ZNF792: variants seen among roughly 807,000 people sequenced by gnomAD.
ZNF792 encodes the protein zinc finger protein 792.
A neutral mutation model predicts 13.1 loss-of-function variants in ZNF792; 14 were observed. That is an observed-to-expected ratio of 1.07 (90% CI 0.71 to 1.67). The LOEUF (loss-of-function observed/expected upper bound fraction) is 1.67, where lower values mean the gene tolerates loss of function less well. Among genes scored for constraint, ZNF792 ranks in the 40% most tolerant of loss-of-function variants. The pLI, the probability that ZNF792 is intolerant of heterozygous loss-of-function variation, is 0.00. For missense variants in ZNF792, 740 were observed against 807.9 expected (o/e 0.92, Z 1.02); for synonymous variants, 257 against 292.0 (o/e 0.88, Z 1.22).
At chr19:34,961,187 T>C (rs887698721) in intron 1 of ZNF792, among the ~76,000 whole-genome samples, 193 bp from the exon 2 acceptor site, 2 of 152,050 alleles carry the variant, frequency 1.3e-5, no homozygotes, top group Non-Finnish European at 2.9e-5. Flanking sequence ...CCCTCTAAGC[T>C]CTGGGCCTGA....
In ZNF792 at chr19:34,960,346, A is replaced by G. The variant is rs778005539; in HGVS notation, c.172T>C (p.Phe58Leu). 1.2e-6 allele frequency: 2 copies of G among 1,613,248 alleles called. No homozygotes were observed. The highest frequency in any genetic ancestry group is 3.3e-5 in the Admixed American group (2 of 59,980). ...AACTGGGAAACGATGTGGGACCTGA[A>G]AGATATAAGTCCTAAGGGAAAGACA... is the stretch of plus-strand genomic sequence containing the variant. ...ALIASLGLISFRSHIVSQLEM... is the reference protein window; with the variant it reads ...ALIASLGLISLRSHIVSQLEM... The change falls in exon 3 of 4, where the codon TTC becomes CTC. Residue 58 changes from phenylalanine to leucine, a missense_variant. By Grantham distance (22) the Phe-to-Leu change is conservative (BLOSUM62 0). Transcript: ENST00000404801.
Position 34,963,967 on chromosome 19 carries a change from C to A in ZNF792, c.-305G>T. The A allele has an allele frequency of 2.7e-6, 1 of 367,834 alleles. No individual in the cohort carries two copies. The highest frequency in any genetic ancestry group is 4.9e-6 in the Non-Finnish European group (1 of 204,912). The allele number at this position is 367,834 out of a possible 1,614,324, so 22.8% of individuals were successfully genotyped here. ...TGTCCCCCTCGCGGTCCGGGAAAGC[C>A]GGCGGGGCAGCTTCACGGGCGTAGC... On this transcript the variant is annotated 5_prime_UTR_variant, in exon 1 of 4. Coordinates refer to ENST00000404801, the MANE Select transcript of ZNF792 (RefSeq NM_175872.5).
chr19:34,961,417 C>T (rs905627390), intron 1 of ZNF792, among the ~76,000 whole-genome samples: 1 of 152,164 alleles, frequency 6.6e-6, no homozygotes, highest in Admixed American at 6.5e-5. Flanking sequence ...CTACCTTCTC[C>T]CCATCCTGGC....
rs748972958 is a variant in ZNF792, at chr19:34,958,864, C to A, written c.991G>T (p.Val331Phe). 1 of 1,613,586 alleles carries A rather than the reference C, an allele frequency of 6.2e-7. No homozygotes were observed. Among genetic ancestry groups the A allele is most frequent in the Non-Finnish European group, 8.5e-7 (1 of 1,179,606 alleles). Residue 331 changes from valine to phenylalanine, a missense_variant, in exon 4 of 4, where the codon GTT becomes TTT. Coordinates refer to ENST00000404801, the MANE Select transcript of ZNF792 (RefSeq NM_175872.5). ...ACGTGAGGGCTTTCACCGGTGTGAA[C>A]CCTGCGATGTTTAACAAGGCTGGAG... ...QHSSLVKHRR[V>F]HTGESPHVCG... is the part of the protein sequence containing the mutation.
Position 34,958,043 on chromosome 19 carries a change from T to C in ZNF792, c.1812A>G (p.Ile604Met), listed in dbSNP as rs2013458213. ...LLPCSQHTPE[I>M]SSENRPYQGA... ...CCTGATAAGGTCTGTTCTCAGAGCT[T>C]ATCTCTGGTGTGTGCTGTGAACAGG... The change falls in exon 4 of 4, where the codon ATA (isoleucine) becomes ATG (methionine). Residue 604 changes from isoleucine (I) to methionine (M), a missense_variant. Ile to Met is a conservative substitution (Grantham distance 10). Transcript: ENST00000404801. 6.2e-7 allele frequency: 1 copy of C among 1,612,848 alleles called. No individual in the cohort carries two copies. The highest frequency in any genetic ancestry group is 1.7e-5 in the Admixed American group (1 of 59,816).
Position 34,959,381 on chromosome 19 carries a change from T to C in ZNF792, c.474A>G (p.Lys158=). 6.2e-7 allele frequency: 1 copy of C among 1,614,080 alleles called. No individual in the cohort carries two copies. The highest frequency in any genetic ancestry group is 8.5e-7 in the Non-Finnish European group (1 of 1,179,966). Residue 158 remains lysine, a synonymous_variant, in exon 4 of 4, where the codon AAA becomes AAG. Coordinates refer to ENST00000404801, the MANE Select transcript of ZNF792 (RefSeq NM_175872.5). ...TCACATATGCCTCACACACAAATGG[T>C]TTCTGCCTGGGATGTGTTGTCTGGT... The part of the protein sequence containing the change: ...AEHQTTHPRQ[K]PFVCEAYVKG...
At chr19:34,963,139 C>T (rs892370410) in intron 1 of ZNF792, among the ~76,000 whole-genome samples, 1 of 152,164 alleles carries the variant, frequency 6.6e-6, no homozygotes, top group Non-Finnish European at 1.5e-5. Context: ...ACTGTGCATC[C>T]ACAGGGAGCC....
At chr19:34,961,346 C>G (rs1048010621) in intron 1 of ZNF792, among the ~76,000 whole-genome samples, 3 of 152,174 alleles carry the variant, frequency 2.0e-5, no homozygotes, top group African/African-American at 7.2e-5. Flanking sequence ...GTGCGTTTCA[C>G]TCTTTGGACT....
rs755506082 is a variant in ZNF792, at chr19:34,958,918, A to G, written c.937T>C (p.Cys313Arg). The G allele has an allele frequency of 1.2e-6, 2 of 1,613,908 alleles. No individual in the cohort carries two copies. The highest frequency in any genetic ancestry group is 8.5e-7 in the Non-Finnish European group (1 of 1,179,826). Residue 313 changes from cysteine (C) to arginine (R), a missense_variant, in exon 4 of 4, where the codon TGT (cysteine) becomes CGT (arginine). Cys to Arg is a radical substitution (Grantham distance 180). Coordinates refer to ENST00000404801, the MANE Select transcript of ZNF792 (RefSeq NM_175872.5). ...TGGCTGAAGAATTTTCCACATTCAC[A>G]GCACTCATACGGTTTTCCTCTATTG... ...VHNRGKPYEC[C>R]ECGKFFSQHS...
At position 34,960,228 on chromosome 19, in the gene ZNF792, T is replaced by C. The variant is rs779824547; in HGVS notation, c.283+7A>G. The C allele has an allele frequency of 2.5e-6, 4 of 1,613,368 alleles. No individual in the cohort carries two copies. The East Asian group carries it at 8.9e-5, about 36-fold the overall frequency. On this transcript the variant is annotated splice_region_variant and intron_variant, in intron 3 of 3. Transcript: ENST00000404801. ...CACATCCTCCCCTAGCTCCCATCGC[T>C]GCTTACCAGAGCCAGGCCTGCCATA...
At chr19:34,962,371 G>A (rs1186392751) in intron 1 of ZNF792, among the ~76,000 whole-genome samples, 1 of 152,212 alleles carries the variant, frequency 6.6e-6, no homozygotes, top group Non-Finnish European at 1.5e-5. Flanking sequence ...GGCGTGCCCT[G>A]GTTGGAGGCT....
intron 2 of ZNF792, 178 bp from the exon 3 acceptor site, chr19:34,960,535 G>T: frequency 2.4e-6 from 2 of 819,096 alleles, no homozygotes; most frequent in Non-Finnish European, 3.7e-6. Context: ...ATTAGCAAGA[G>T]GAAAGGCACA....
Position 34,958,221 on chromosome 19 carries a change from T to G in ZNF792, c.1634A>C (p.Gln545Pro). ...ECSECGKTFR[Q>P]RSNLRQHLKV... ...CAGGTGCTGCCTCAGATTGGACCTC[T>G]GCCTGAAGGTTTTCCCACATTCGCT... Residue 545 changes from glutamine (Q) to proline (P), a missense_variant, in exon 4 of 4, where the codon CAG becomes CCG. Gln to Pro is a moderately conservative substitution (Grantham distance 76). Transcript: ENST00000404801. 6.2e-7 allele frequency: 1 copy of G among 1,614,040 alleles called. No homozygotes were observed. The highest frequency in any genetic ancestry group is 8.5e-7 in the Non-Finnish European group (1 of 1,179,884).
intron 2 of ZNF792, 118 bp downstream of exon 2, chr19:34,960,750 A>C: frequency 2.0e-6 from 3 of 1,496,736 alleles, no homozygotes; most frequent in Non-Finnish European, 2.8e-6. Context: ...ACATACCAGG[A>C]AAGTGGGGAT....
chr19:34,963,134 G>T (rs1316372069), intron 1 of ZNF792, among the ~76,000 whole-genome samples: 5 of 152,054 alleles, frequency 3.3e-5, no homozygotes, highest in Non-Finnish European at 7.4e-5. Flanking sequence ...TCTCCACTGT[G>T]CATCCACAGG....
At position 34,958,030 on chromosome 19, in the gene ZNF792, T is replaced by G; in HGVS notation, c.1825A>C (p.Arg609=). ...TAGTTGACAGCGCCCTGATAAGGTC[T>G]GTTCTCAGAGCTTATCTCTGGTGTG... is the stretch of plus-strand genomic sequence containing the variant. ...QHTPEISSEN[R]PYQGAVNYKL... Residue 609 remains arginine, a synonymous_variant, in exon 4 of 4, where the codon AGA becomes CGA. Coordinates refer to ENST00000404801, the MANE Select transcript of ZNF792 (RefSeq NM_175872.5). 1 of 1,613,266 alleles carries G rather than the reference T, an allele frequency of 6.2e-7. No homozygotes were observed. The highest frequency in any genetic ancestry group is 1.1e-5 in the South Asian group (1 of 90,800).
At position 34,959,043 on chromosome 19, in the gene ZNF792, T is replaced by C. The variant is rs375047713; in HGVS notation, c.812A>G (p.Gln271Arg). Residue 271 changes from glutamine (Q) to arginine (R), a missense_variant, in exon 4 of 4, where the codon CAG becomes CGG. Physicochemically the swap from Gln to Arg is conservative, Grantham distance 43. Coordinates refer to ENST00000404801, the MANE Select transcript of ZNF792 (RefSeq NM_175872.5). ...TTCTCTGCTGTGGATTCTCTGGTGC[T>C]GAACAAGAGTGGATTTGTTATTGAA... ...DAFNNKSTLV[Q>R]HQRIHSRERP... 1.5e-5 allele frequency: 24 copies of C among 1,614,180 alleles called. No homozygotes were observed. The highest frequency in any genetic ancestry group is 3.3e-5 in the South Asian group (3 of 91,084).
At chr19:34,960,505 C>A (rs1383841185) in intron 2 of ZNF792, 148 bp from the exon 3 acceptor site, 10 of 994,924 alleles carry the variant, frequency 1.0e-5, no homozygotes, top group Non-Finnish European at 1.5e-5. Flanking sequence ...GAATTCCTGG[C>A]ACAGTCAGGC....
intron 1 of ZNF792, among the ~76,000 whole-genome samples, chr19:34,961,690 T>G (rs1023908467): frequency 1.3e-5 from 2 of 152,076 alleles, no homozygotes; most frequent in African/African-American, 4.8e-5. Flanking sequence ...TTGCACATTC[T>G]GACCCTGTCA....
Sources: allele counts gnomAD v4.1 joint callset (sites outside exome capture counted in the v4.1 genomes callset), GRCh38; gene constraint gnomAD v4.1.1; transcripts MANE v1.5; gene names NCBI Gene and HGNC (gene_info 2026-07-23, HGNC 2026-07-21).